Variants in TPM4 observed in about 807,000 individuals in gnomAD.
TPM4 encodes tropomyosin alpha-4 chain.
A neutral mutation model predicts 35.8 loss-of-function variants in TPM4; 17 were observed. That is an observed-to-expected ratio of 0.47 (90% confidence interval 0.32 to 0.71). The LOEUF is 0.71. Among genes scored for constraint, TPM4 ranks in the 30% least tolerant of loss-of-function variants. TPM4 has a pLI of 0.03. For missense variants in TPM4, 240 were observed against 320.9 expected (o/e 0.75, Z 1.93); for synonymous variants, 120 against 122.9 (o/e 0.98, Z 0.15).
intron 2 of TPM4, among the ~76,000 whole-genome samples, chr19:16,085,943 C>T (rs1234127811): frequency 6.6e-6 from 1 of 151,884 alleles, no homozygotes; most frequent in Non-Finnish European, 1.5e-5. Context: ...GTGGTGCATG[C>T]CTATAGTCCC....
chr19:16,068,384 C>G (rs771483138), intron 2 of TPM4, among the ~76,000 whole-genome samples: 4 of 152,172 alleles, frequency 2.6e-5, no homozygotes, highest in Non-Finnish European at 5.9e-5. Context: ...CCATGTTGGC[C>G]GGACTGGTCT....
At chr19:16,099,292 G>A (rs1356038615) in intron 7 of TPM4, among the ~76,000 whole-genome samples, 1 of 151,476 alleles carries the variant, frequency 6.6e-6, no homozygotes, top group Non-Finnish European at 1.5e-5. Context: ...ATGTTGGCCA[G>A]GCTGGTCTCG....
upstream of TPM4, chr19:16,076,009 C>A (rs774889538): frequency 6.3e-7 from 1 of 1,591,180 alleles, no homozygotes; most frequent in Non-Finnish European, 8.5e-7. Context: ...CGTGACCCCC[C>A]CCCCAGGCTG....
At chr19:16,078,230 T>C (rs899143098) in intron 1 of TPM4, 13 of 398,078 alleles carry the variant, frequency 3.3e-5, no homozygotes, top group African/African-American at 1.6e-4. Context: ...CTGGGTCTTA[T>C]AGAATAAATA....
intron 1 of TPM4, chr19:16,079,726 A>C (rs1274299780): frequency 1.1e-5 from 2 of 184,416 alleles, no homozygotes; most frequent in Non-Finnish European, 2.3e-5. Context: ...TTGAGACGGA[A>C]TCTTGCTCTG....
chr19:16,075,781 G>C (rs1599361534), upstream of TPM4: 1 of 385,634 alleles, frequency 2.6e-6, no homozygotes, highest in Admixed American at 4.5e-5. Flanking sequence ...TTTCCCAAAA[G>C]CTGCCATTGA....
intron 5 of TPM4, among the ~76,000 whole-genome samples, chr19:16,091,457 G>C (rs1426839840): frequency 6.6e-6 from 1 of 152,136 alleles, no homozygotes; most frequent in Non-Finnish European, 1.5e-5. Flanking sequence ...GGTTGTGAAC[G>C]GTGTCACCAA....
Position 16,076,560 on chromosome 19 carries a change from C to T in TPM4, c.-6C>T, listed in dbSNP as rs1452143474. On this transcript the variant is annotated 5_prime_UTR_variant, in exon 1 of 8. Transcript: ENST00000643579. ...CGCTGCCCGTGCGCCTCTGCGCCTC[C>T]GCGCCATGGCCGGCCTCAACTCCCT... 6.9e-7 allele frequency: 1 copy of T among 1,451,420 alleles called. No individual in the cohort carries two copies. The highest frequency in any genetic ancestry group is 1.5e-5 in the African/African-American group (1 of 67,826). The allele number at this position is 1,451,420 out of a possible 1,614,324, so 89.9% of individuals were successfully genotyped here. A position where few individuals can be genotyped will look rare whatever the true frequency, so the allele number is the denominator to read the frequency against.
intron 7 of TPM4, chr19:16,101,000 T>C (rs11673157): frequency 0.32 from 89,416 of 279,576 alleles, 15,054 homozygotes; most frequent in Admixed American, 0.41. Flanking sequence ...TGAAACCCCA[T>C]CTCTACTAAA....
intron 2 of TPM4, among the ~76,000 whole-genome samples, chr19:16,086,175 G>C (rs1008589718): frequency 3.3e-5 from 5 of 151,932 alleles, no homozygotes; most frequent in African/African-American, 1.2e-4. Context: ...GATGAGAGAT[G>C]GGACTAGGGG....
chr19:16,098,451 AAAAAGAAAAG>A (rs975134027), intron 7 of TPM4, among the ~76,000 whole-genome samples: 3 of 152,156 alleles, frequency 2.0e-5, no homozygotes, highest in Non-Finnish European at 4.4e-5. Flanking sequence ...CGCCTCAAAA[AAAAAGAAAAG>A]AAAAGAAAAG....
At chr19:16,100,520 A>C (rs1282937296) in intron 7 of TPM4, 1 of 152,220 alleles carries the variant, frequency 6.6e-6, no homozygotes, top group East Asian at 1.9e-4. Context: ...GCTGTAATTA[A>C]AAATACAAAG....
intron 1 of TPM4, chr19:16,081,002 T>A: frequency 2.5e-6 from 1 of 398,616 alleles, no homozygotes; most frequent in Non-Finnish European, 4.4e-6. Context: ...CATATCTTTT[T>A]GTCCTGCCAT....
chr19:16,073,962 G>GAA (rs1226881561), upstream of TPM4, among the ~76,000 whole-genome samples: 4 of 23,512 alleles, frequency 1.7e-4, no homozygotes, highest in Non-Finnish European at 2.4e-4. Context: ...AAAAAAAAAC[G>GAA]CAAAAAAAAA....
chr19:16,081,750 A>G (rs990731506), intron 1 of TPM4, 163 bp from the exon 2 acceptor site: 6 of 896,920 alleles, frequency 6.7e-6, no homozygotes, highest in Non-Finnish European at 9.4e-6. Flanking sequence ...TTCCGGGAAG[A>G]TCATACTGAA....
At position 16,067,538 on chromosome 19, in the gene TPM4, A is replaced by G; in HGVS notation, c.-87A>G. 1 of 1,261,224 alleles carries G rather than the reference A, an allele frequency of 7.9e-7. No homozygotes were observed. The highest frequency in any genetic ancestry group is 1.3e-5 in the South Asian group (1 of 75,892). 78.1% of individuals were successfully genotyped at this position (1,261,224 alleles called of 1,614,324 possible). On this transcript the variant is annotated 5_prime_UTR_variant, in exon 2 of 3. Coordinates refer to the TPM4 transcript ENST00000589897. This position sits in a 1 kb window ranked among gnomAD's most constrained non-coding sequence, Gnocchi z 4.1. ...CCCTCTCCTCCACCCTGCCAGGCTC[A>G]CTCTGCCCCACAGCCACAGCCCCTG...
At chr19:16,088,612 G>T (rs537477473) in intron 4 of TPM4, 1 of 1,034,692 alleles carries the variant, frequency 9.7e-7, no homozygotes, top group Non-Finnish European at 1.2e-6. Context: ...GAGCATCCGG[G>T]AGTGCTGAGA....
chr19:16,084,785 C>G (rs927093543), intron 2 of TPM4, among the ~76,000 whole-genome samples: 1 of 152,056 alleles, frequency 6.6e-6, no homozygotes, highest in Admixed American at 6.6e-5. Flanking sequence ...AGGGTGAGAC[C>G]TCGTACAGGT....
intron 1 of TPM4, 67 bp from the exon 2 acceptor site, chr19:16,081,846 T>C: frequency 1.3e-6 from 2 of 1,500,266 alleles, no homozygotes; most frequent in South Asian, 2.6e-5. Flanking sequence ...GGGCAGGACA[T>C]GGGGGAGGCT....
Sources: allele counts gnomAD v4.1 joint callset (sites outside exome capture counted in the v4.1 genomes callset), GRCh38; gene constraint gnomAD v4.1.1; non-coding constraint Gnocchi (gnomAD v3.1); transcripts MANE v1.5; gene names NCBI Gene and HGNC (gene_info 2026-07-23, HGNC 2026-07-21).